The following NSUN2 variants were observed in gnomAD, a reference collection of about 807,000 sequenced individuals.
The protein encoded by NSUN2 is NOP2/Sun RNA methyltransferase 2.
Under a neutral mutation model 92.7 loss-of-function variants are expected in NSUN2, and 63 were observed. That is an observed-to-expected ratio of 0.68 (90% confidence interval 0.56 to 0.84). The LOEUF is 0.84. NSUN2 is among the 40% of genes least tolerant of loss of function. The probability of loss-of-function intolerance (pLI) is 0.00; values close to 1 mark genes in which losing one functional copy is unlikely to be tolerated. For missense variants in NSUN2, 989 were observed against 964.9 expected, an observed-to-expected ratio of 1.02 and a Z score of -0.33; for synonymous variants, 356 against 348.3, an observed-to-expected ratio of 1.02 and a Z score of -0.25.
At chr5:6,621,888 CG>C in intron 6 of NSUN2, 127 bp downstream of exon 6, 1 of 719,782 alleles carries the variant, frequency 1.4e-6, no homozygotes, top group Middle Eastern at 2.4e-4. Context: ...TTCCGGTAGA[CG>C]GAAAACCCAA....
At chr5:6,609,353 T>C (rs1005539373) in intron 12 of NSUN2, among the ~76,000 whole-genome samples, 3 of 152,162 alleles carry the variant, frequency 2.0e-5, no homozygotes, top group Admixed American at 6.5e-5. Flanking sequence ...TTTAGATCCA[T>C]AGCAAACAGG....
Position 6,609,903 on chromosome 5 carries a change from G to GATGGCC in NSUN2, c.1245_1246insGGCCAT (p.His415_His416insGlyHis). The GATGGCC allele has an allele frequency of 6.2e-7, 1 of 1,612,086 alleles. No individual in the cohort carries two copies. On this transcript the variant is annotated inframe_insertion, in exon 12 of 19. Transcript: ENST00000264670. ...ACAAAAAACCCTCCAGTATTCTGAT[G>GATGGCC]ATGGGGTAATATCCTAAGGCTAAAT...
At chr5:6,603,716 T>G (rs1736645962) in intron 17 of NSUN2, among the ~76,000 whole-genome samples, 1 of 151,920 alleles carries the variant, frequency 6.6e-6, no homozygotes. Flanking sequence ...AAAACAAATT[T>G]GCTCATGCAC....
chr5:6,629,625 C>T (rs1171534722), intron 3 of NSUN2, among the ~76,000 whole-genome samples: 1 of 152,184 alleles, frequency 6.6e-6, no homozygotes, highest in Non-Finnish European at 1.5e-5. Flanking sequence ...ACAAACATGC[C>T]CGAGGAGAAT....
intron 3 of NSUN2, among the ~76,000 whole-genome samples, 175 bp from the exon 4 acceptor site, chr5:6,625,844 A>C (rs543266859): frequency 4.6e-5 from 7 of 152,336 alleles, no homozygotes; most frequent in Admixed American, 3.9e-4. Flanking sequence ...CTGTAGGCTT[A>C]AGGAACATGG....
rs1017242313 is a variant in NSUN2 at position 6,609,827 on chromosome 5, T to C, written c.1322A>G (p.Lys441Arg). ...CATTTTGGAAAAAGAAAAACTCACC[T>C]TTGGCTGACGTTTATTCCACGGCAT... ...SSMPWNKRQPKLQGKSAETRE... is the reference protein window; with the variant it reads ...SSMPWNKRQPRLQGKSAETRE... Residue 441 changes from lysine (K) to arginine (R), a missense_variant and splice_region_variant, in exon 12 of 19, where the codon AAG (lysine) becomes AGG (arginine). Lys to Arg is a conservative substitution (Grantham distance 26, BLOSUM62 2). This residue lies in a region of NSUN2 where 626 missense variants were observed against 602.3 expected (regional missense o/e 1.04). Transcript: ENST00000264670. 1.9e-6 allele frequency: 3 copies of C among 1,609,944 alleles called. No homozygotes were observed. Among genetic ancestry groups the C allele is most frequent in the Admixed American group, 1.7e-5 (1 of 59,204 alleles).
intron 7 of NSUN2, among the ~76,000 whole-genome samples, chr5:6,618,298 T>C (rs1254034450): frequency 6.6e-6 from 1 of 152,204 alleles, no homozygotes; most frequent in Non-Finnish European, 1.5e-5. Context: ...TGTGCTTCCA[T>C]TTGGAAAAAA....
intron 14 of NSUN2, among the ~76,000 whole-genome samples, chr5:6,606,352 C>T (rs1222727255): frequency 5.9e-5 from 9 of 152,194 alleles, no homozygotes; most frequent in South Asian, 2.1e-4. Context: ...GGCGCGATCT[C>T]GGCTCACTGC....
At chr5:6,618,103 TAAG>T in intron 7 of NSUN2, 79 bp from the exon 8 acceptor site, 1 of 894,086 alleles carries the variant, frequency 1.1e-6, no homozygotes, top group Admixed American at 2.1e-5. Flanking sequence ...ACATACAAGC[TAAG>T]TTACAAAACA....
intron 2 of NSUN2, 86 bp downstream of exon 2, chr5:6,632,513 G>C (rs976695488): frequency 1.3e-6 from 2 of 1,491,974 alleles, no homozygotes; most frequent in South Asian, 1.2e-5. Context: ...CTCTGGCACT[G>C]TAACACTTGT....
chr5:6,611,858 C>T (rs1324466118), intron 9 of NSUN2, 60 bp from the exon 10 acceptor site: 6 of 1,419,304 alleles, frequency 4.2e-6, no homozygotes, highest in Admixed American at 1.8e-5. Flanking sequence ...ACACTATGCT[C>T]AGTGAAAAAA....
intron 4 of NSUN2, among the ~76,000 whole-genome samples, chr5:6,623,980 G>A (rs1737557187): frequency 6.6e-6 from 1 of 152,198 alleles, no homozygotes; most frequent in South Asian, 2.1e-4. Context: ...CCTTGAAGCT[G>A]AGGCTTCTGC....
chr5:6,629,302 T>C (rs1203960179), intron 3 of NSUN2, among the ~76,000 whole-genome samples: 1 of 152,174 alleles, frequency 6.6e-6, no homozygotes. Flanking sequence ...AGCTATGAAA[T>C]GTTAAAAGGG....
At chr5:6,615,608 C>T (rs945533444) in intron 9 of NSUN2, among the ~76,000 whole-genome samples, 1 of 76,602 alleles carries the variant, frequency 1.3e-5, no homozygotes, top group South Asian at 4.0e-4. Flanking sequence ...CTTAAAGGAC[C>T]GTGAAGGCCA....
chr5:6,611,065 C>T lies in NSUN2; in HGVS notation c.1116G>A (p.Gln372=). ...TQWKVMTKDG[Q]WFTDWDAVPH... ...GAACAGCGTCCCAGTCTGTAAACCA[C>T]TGCCCATCTTTCGTCATTACCTGCA... The change falls in exon 11 of 19, where the codon CAG becomes CAA. Residue 372 remains glutamine (Q), a synonymous_variant. Coordinates refer to ENST00000264670, the MANE Select transcript of NSUN2 (RefSeq NM_017755.6). The T allele has an allele frequency of 1.2e-6, 2 of 1,614,208 alleles. No homozygotes were observed. The highest frequency in any genetic ancestry group is 1.3e-5 in the African/African-American group (1 of 75,050).
chr5:6,600,918 C>T (rs1311599442), intron 18 of NSUN2, among the ~76,000 whole-genome samples: 3 of 152,178 alleles, frequency 2.0e-5, no homozygotes, highest in Non-Finnish European at 2.9e-5. Context: ...TCCCTACCTT[C>T]CAGGCTCCAC....
In NSUN2 at chr5:6,632,603, T is replaced by C; in HGVS notation, c.250A>G (p.Lys84Glu). The C allele has an allele frequency of 6.2e-7, 1 of 1,613,958 alleles. No individual in the cohort carries two copies. The highest frequency in any genetic ancestry group is 8.5e-7 in the Non-Finnish European group (1 of 1,179,920). Residue 84 changes from lysine (K) to glutamate (E), a missense_variant, in exon 2 of 19, where the codon AAA becomes GAA. Transcript: ENST00000264670. ...LPATLRITGY[K>E]SHAKEILHCL... ...AATCAGGCACTGCCTCCCTACCTTT[T>C]GTAACCAGTAATTCTTAAAGTGGCC...
chr5:6,624,090 T>G (rs1157221735), intron 4 of NSUN2, among the ~76,000 whole-genome samples: 1 of 152,190 alleles, frequency 6.6e-6, no homozygotes, highest in Non-Finnish European at 1.5e-5. Context: ...TCAAGAGCCT[T>G]AAATACAGGC....
chr5:6,605,184 C>T, intron 15 of NSUN2, 89 bp downstream of exon 15: 1 of 1,546,564 alleles, frequency 6.5e-7, no homozygotes, highest in East Asian at 2.3e-5. Flanking sequence ...GGGCAGATGT[C>T]ACGGTCTGCT....
Sources: allele counts gnomAD v4.1 joint callset (sites outside exome capture counted in the v4.1 genomes callset), GRCh38; gene constraint gnomAD v4.1.1; regional missense constraint gnomAD v4.1.1; transcripts MANE v1.5; gene names NCBI Gene and HGNC (gene_info 2026-07-23, HGNC 2026-07-21).